Variants in CERS6 observed in about 807,000 individuals in gnomAD.
CERS6 encodes ceramide synthase 6.
A neutral mutation model predicts 56.8 loss-of-function variants in CERS6; 26 were observed. The ratio of observed to expected loss-of-function variants is 0.46; its 90% CI spans 0.34 to 0.63. The LOEUF (loss-of-function observed/expected upper bound fraction) is 0.63, where lower values mean the gene tolerates loss of function less well. CERS6 is among the 30% of genes least tolerant of loss of function. The pLI is 0.01. For missense variants in CERS6, 415 were observed against 467.5 expected, an observed-to-expected ratio of 0.89 and a Z score of 1.04; for synonymous variants, 164 against 173.3, an observed-to-expected ratio of 0.95 and a Z score of 0.42.
chr2:168,692,317 A>C (rs1686526504), intron 5 of CERS6, among the ~76,000 whole-genome samples: 1 of 152,214 alleles, frequency 6.6e-6, no homozygotes, highest in African/African-American at 2.4e-5. Context: ...TATAGTGAGT[A>C]GCAAAATCCG....
intron 3 of CERS6, among the ~76,000 whole-genome samples, chr2:168,575,460 G>T (rs1683238821): frequency 6.6e-6 from 1 of 151,962 alleles, no homozygotes; most frequent in South Asian, 2.1e-4. Context: ...AAAACTATCA[G>T]CTTTCGTGAG....
intron 3 of CERS6, among the ~76,000 whole-genome samples, chr2:168,578,909 A>G (rs1290254933): frequency 6.6e-6 from 1 of 152,186 alleles, no homozygotes; most frequent in Non-Finnish European, 1.5e-5. Context: ...TTTACAAGAT[A>G]TGATTTCATG....
chr2:168,614,240 G>A (rs1574101232), intron 3 of CERS6, among the ~76,000 whole-genome samples: 2 of 152,202 alleles, frequency 1.3e-5, no homozygotes, highest in East Asian at 3.9e-4. Context: ...TCATACATAT[G>A]TGCATACAAA....
intron 6 of CERS6, among the ~76,000 whole-genome samples, chr2:168,712,760 A>G (rs936800235): frequency 1.3e-5 from 2 of 152,188 alleles, no homozygotes; most frequent in African/African-American, 2.4e-5. Context: ...TTCCTTGAAC[A>G]CATCAGGATA....
At chr2:168,512,890 A>G (rs1415860664) in intron 1 of CERS6, among the ~76,000 whole-genome samples, 1 of 151,984 alleles carries the variant, frequency 6.6e-6, no homozygotes, top group Non-Finnish European at 1.5e-5. Flanking sequence ...CTGGTCTCGA[A>G]CTGCTGACCT....
intron 4 of CERS6, among the ~76,000 whole-genome samples, chr2:168,642,543 C>T (rs142397744): frequency 4.7e-4 from 71 of 152,238 alleles, no homozygotes; most frequent in African/African-American, 1.7e-3. Context: ...AAGGATGCTT[C>T]ATGATGTCTC....
At chr2:168,728,878 C>T (rs749646554) in intron 8 of CERS6, among the ~76,000 whole-genome samples, 15 of 151,566 alleles carry the variant, frequency 9.9e-5, no homozygotes, top group East Asian at 7.9e-4. Context: ...TGGTGGCACA[C>T]GCCTCTGTAA....
chr2:168,458,648 C>G (rs1306558391), intron 1 of CERS6, among the ~76,000 whole-genome samples: 1 of 152,156 alleles, frequency 6.6e-6, no homozygotes, highest in Non-Finnish European at 1.5e-5. Flanking sequence ...GGCCATTGAT[C>G]TAAGTAGAAG....
chr2:168,537,945 C>T (rs771202047), intron 1 of CERS6, among the ~76,000 whole-genome samples: 5 of 152,134 alleles, frequency 3.3e-5, no homozygotes, highest in Admixed American at 6.5e-5. Flanking sequence ...TTGTTGTTAC[C>T]TCTTATTCCT....
chr2:168,710,964 C>T (rs13400900), intron 6 of CERS6, among the ~76,000 whole-genome samples: 39 of 152,090 alleles, frequency 2.6e-4, no homozygotes, highest in Admixed American at 2.2e-3. Flanking sequence ...TGTTGGAAGA[C>T]GCATGTTTCC....
intron 1 of CERS6, among the ~76,000 whole-genome samples, chr2:168,504,431 C>T (rs1171191658): frequency 6.6e-6 from 1 of 151,552 alleles, no homozygotes; most frequent in Admixed American, 6.6e-5. Context: ...GGGGGAAGAT[C>T]ATGCCCCTTA....
intron 4 of CERS6, among the ~76,000 whole-genome samples, chr2:168,652,036 C>G (rs1458544777): frequency 6.6e-6 from 1 of 151,438 alleles, no homozygotes; most frequent in African/African-American, 2.4e-5. Flanking sequence ...CCCCCCACCC[C>G]CTTTTTTTTG....
intron 5 of CERS6, 97 bp downstream of exon 5, chr2:168,691,181 A>T (rs1686492550): frequency 8.8e-7 from 1 of 1,133,786 alleles, no homozygotes; most frequent in Admixed American, 1.7e-5. Context: ...TTGGACAACC[A>T]CCTTCATTTT....
intron 4 of CERS6, among the ~76,000 whole-genome samples, chr2:168,689,612 A>T (rs1259075155): frequency 6.6e-6 from 1 of 152,222 alleles, no homozygotes; most frequent in Non-Finnish European, 1.5e-5. Flanking sequence ...GTCAATAATG[A>T]ACATTGATGT....
intron 8 of CERS6, among the ~76,000 whole-genome samples, chr2:168,721,610 T>C (rs1031388766): frequency 6.8e-6 from 1 of 146,888 alleles, no homozygotes; most frequent in African/African-American, 2.5e-5. Context: ...AAAGAACATT[T>C]GGTAGTGTTT....
intron 7 of CERS6, among the ~76,000 whole-genome samples, chr2:168,717,401 C>T (rs542638595): frequency 2.0e-5 from 3 of 152,188 alleles, no homozygotes; most frequent in East Asian, 1.9e-4. Context: ...GGAAGAAAAA[C>T]GCAGAAAAGC....
At chr2:168,713,932 C>A (rs548235370) in intron 6 of CERS6, among the ~76,000 whole-genome samples, 22 of 152,152 alleles carry the variant, frequency 1.4e-4, no homozygotes, top group Non-Finnish European at 2.6e-4. Flanking sequence ...AAAACAATCA[C>A]CCCCGTCTTA....
chr2:168,675,481 G>A (rs1686035308), intron 4 of CERS6, among the ~76,000 whole-genome samples: 1 of 151,892 alleles, frequency 6.6e-6, no homozygotes, highest in African/African-American at 2.4e-5. Flanking sequence ...AGCTACTTGG[G>A]GGGCTGAGGC....
At chr2:168,632,353 C>T in intron 4 of CERS6, among the ~76,000 whole-genome samples, 1 of 152,238 alleles carries the variant, frequency 6.6e-6, no homozygotes, top group Middle Eastern at 3.4e-3. Flanking sequence ...ATTTTAAATA[C>T]ATTTAAGATT....
Sources: allele counts gnomAD v4.1 joint callset (sites outside exome capture counted in the v4.1 genomes callset), GRCh38; gene constraint gnomAD v4.1.1; transcripts MANE v1.5; gene names NCBI Gene and HGNC (gene_info 2026-07-23, HGNC 2026-07-21).